The following WSCD1 variants were observed in gnomAD, a reference collection of about 807,000 sequenced individuals.
WSCD1 encodes WSC domain sialate O sulfotransferase 1.
A neutral mutation model predicts 60.4 loss-of-function variants in WSCD1; 41 were observed. That is an observed-to-expected ratio of 0.68 (90% CI 0.53 to 0.88). The LOEUF is 0.88. Among genes scored for constraint, WSCD1 ranks in the 40% least tolerant of loss-of-function variants. WSCD1 has a pLI of 0.00. For missense variants in WSCD1, 784 were observed against 796.2 expected (o/e 0.98, Z 0.18); for synonymous variants, 361 against 332.5 (o/e 1.09, Z -0.93).
intron 8 of WSCD1, among the ~76,000 whole-genome samples, chr17:6,119,807 C>T (rs1597372837): frequency 1.3e-5 from 2 of 152,124 alleles, no homozygotes; most frequent in Admixed American, 6.5e-5. Context: ...GTGTTAATAG[C>T]CCAATAATGG....
At position 6,092,215 on chromosome 17, in the gene WSCD1, G is replaced by T. The variant is rs577521446; in HGVS notation, c.727+1710G>T. 2.0e-5 allele frequency among the ~76,000 whole-genome samples: 3 copies of T among 152,058 alleles called. No individual in the cohort carries two copies. In the East Asian group the frequency reaches 5.8e-4, roughly 29 times the overall value. On this transcript the variant is annotated intron_variant, in intron 4 of 8. Transcript: ENST00000317744. ...GCTAAGGCTTCACAGGGGTTCTGGGGAGGGCTGTCGAGTGAGTTTTCCAAG... is the reference window on the plus strand; with the variant it reads ...GCTAAGGCTTCACAGGGGTTCTGGGTAGGGCTGTCGAGTGAGTTTTCCAAG...
At chr17:6,087,436 C>T (rs1408745374) in intron 2 of WSCD1, among the ~76,000 whole-genome samples, 3 of 152,248 alleles carry the variant, frequency 2.0e-5, no homozygotes, top group Non-Finnish European at 4.4e-5. Context: ...TGCGGACACA[C>T]TCCAGAGATG....
At chr17:6,106,576 A>G (rs758699421) in intron 5 of WSCD1, among the ~76,000 whole-genome samples, 11 of 152,342 alleles carry the variant, frequency 7.2e-5, no homozygotes, top group East Asian at 5.8e-4. Flanking sequence ...TGGTGATAGA[A>G]ATCTGAAAGG....
chr17:6,108,905 ATCC>A (rs1214248213), intron 5 of WSCD1, among the ~76,000 whole-genome samples: 1 of 152,142 alleles, frequency 6.6e-6, no homozygotes, highest in Non-Finnish European at 1.5e-5. Flanking sequence ...ATTTTGAAGA[ATCC>A]TCCTTGGGCT....
chr17:6,070,750 T>A (rs1908486008), intron 1 of WSCD1, 98 bp downstream of exon 1: 1 of 150,508 alleles, frequency 6.6e-6, no homozygotes, highest in South Asian at 2.1e-4. Flanking sequence ...CAGACGCGGT[T>A]GGGAGCGCGG....
intron 3 of WSCD1, among the ~76,000 whole-genome samples, chr17:6,088,920 C>T (rs865925418): frequency 9.9e-5 from 15 of 151,758 alleles, no homozygotes; most frequent in Non-Finnish European, 1.0e-4. Flanking sequence ...GTAGCTGGGA[C>T]TACAGGCGCC....
chr17:6,097,419 T>A (rs11078606), intron 5 of WSCD1, among the ~76,000 whole-genome samples: 43,379 of 152,192 alleles, frequency 0.29, 6,918 homozygotes, highest in Non-Finnish European at 0.36. Context: ...AGAGACTGAA[T>A]ATTCAAGCAA....
chr17:6,099,072 G>C (rs372471253), intron 5 of WSCD1, among the ~76,000 whole-genome samples: 25,899 of 74,750 alleles, frequency 0.35, 2,335 homozygotes, highest in Non-Finnish European at 0.41. Flanking sequence ...GGTTACTTGG[G>C]GGGCTGTGAA....
At chr17:6,074,571 T>C (rs1404019155) in intron 1 of WSCD1, among the ~76,000 whole-genome samples, 1 of 152,206 alleles carries the variant, frequency 6.6e-6, no homozygotes, top group Non-Finnish European at 1.5e-5. Context: ...AGGCACAGTT[T>C]GTAGCAGCAG....
intron 6 of WSCD1, 132 bp downstream of exon 6, chr17:6,109,898 G>A: frequency 8.1e-7 from 1 of 1,227,874 alleles, no homozygotes; most frequent in South Asian, 1.6e-5. Context: ...AAAGGTCTTG[G>A]CATCTTGATG....
At position 6,120,330 on chromosome 17, in the gene WSCD1, G is replaced by A. The variant is rs1467920538; in HGVS notation, c.1397G>A (p.Ser466Asn). The A allele has an allele frequency of 1.9e-6, 3 of 1,613,932 alleles. No homozygotes were observed. ...KSKEWPDFVN[S>N]YASWWSSHVL... ...CTAGAGTGGCCGGACTTTGTCAACA[G>A]CTACGCCTCGTGGTGGTCCTCGCAC... The change falls in exon 9 of 9, where the codon AGC (serine) becomes AAC (asparagine). Residue 466 changes from serine to asparagine, a missense_variant. Ser to Asn is a conservative substitution (Grantham distance 46, BLOSUM62 1). Transcript: ENST00000317744.
intron 5 of WSCD1, among the ~76,000 whole-genome samples, chr17:6,103,330 G>C (rs1209088705): frequency 2.0e-5 from 3 of 152,318 alleles, no homozygotes; most frequent in African/African-American, 7.2e-5. Flanking sequence ...GTGTGTGGGG[G>C]ATGTTTGAGA....
chr17:6,080,538 C>A lies in WSCD1; in HGVS notation c.-121C>A. 1 of 1,046,786 alleles carries A rather than the reference C, an allele frequency of 9.6e-7. No homozygotes were observed. The highest frequency in any genetic ancestry group is 1.5e-5 in the South Asian group (1 of 67,004). 64.8% of individuals were successfully genotyped at this position (1,046,786 alleles called of 1,614,324 possible). ...GGAACAGTGAGTGACCCCAGGCGAG[C>A]ACAGGCAGGTGCCAGGAGCCAGGAT... On this transcript the variant is annotated 5_prime_UTR_variant, in exon 2 of 9. Transcript: ENST00000317744. The surrounding 1 kb of genome is among the most constrained non-coding windows in gnomAD (Gnocchi z 6.6).
Position 6,117,127 on chromosome 17 carries a change from T to C in WSCD1, c.1175-861T>C, listed in dbSNP as rs918432453. ...CATAGTGAGCACATAATAACCTTCATTGATAAATGTGTGGCTCTGGATGAA... is the reference window on the plus strand; with the variant it reads ...CATAGTGAGCACATAATAACCTTCACTGATAAATGTGTGGCTCTGGATGAA... On this transcript the variant is annotated intron_variant, in intron 7 of 8. Coordinates refer to ENST00000317744, the MANE Select transcript of WSCD1 (RefSeq NM_015253.2). 3.3e-5 allele frequency among the ~76,000 whole-genome samples: 5 copies of C among 152,342 alleles called. No homozygotes were observed. The South Asian group carries it at 6.2e-4, about 19-fold the overall frequency.
At chr17:6,085,723 G>A (rs900098531) in intron 2 of WSCD1, among the ~76,000 whole-genome samples, 2 of 152,224 alleles carry the variant, frequency 1.3e-5, no homozygotes, top group Non-Finnish European at 2.9e-5. Context: ...CTGAGCTTAT[G>A]CTTTGGCTGT....
At position 6,101,774 on chromosome 17, in the gene WSCD1, C is replaced by G. The variant is rs1015927388; in HGVS notation, c.849+6551C>G. Among the ~76,000 whole-genome samples, 1 of 152,164 alleles carries G rather than the reference C, an allele frequency of 6.6e-6. No individual in the cohort carries two copies. Among genetic ancestry groups the G allele is most frequent in the Non-Finnish European group, 1.5e-5 (1 of 68,042 alleles). On this transcript the variant is annotated intron_variant, in intron 5 of 8. Coordinates refer to ENST00000317744, the MANE Select transcript of WSCD1 (RefSeq NM_015253.2). This position sits in a 1 kb window ranked among gnomAD's most constrained non-coding sequence, Gnocchi z 4.1. Reference sequence around the variant, plus strand: ...GATCCTATCGGCTCCTTTGTTTCAACGCAAGGCAAGAGTGAGCAGGGGGCA... The same window carrying G: ...GATCCTATCGGCTCCTTTGTTTCAAGGCAAGGCAAGAGTGAGCAGGGGGCA...
chr17:6,124,222 T>C lies in WSCD1; in HGVS notation c.*3561T>C, dbSNP rs1449126674. On this transcript the variant is annotated 3_prime_UTR_variant, in exon 9 of 9. Coordinates refer to ENST00000317744, the MANE Select transcript of WSCD1 (RefSeq NM_015253.2). ...AATGTGAAAAAGGTAGTAGTATTCC[T>C]GGGTCTTTATGATGACCACCTTGGG... is the stretch of plus-strand genomic sequence containing the variant. The C allele has an allele frequency of 6.6e-6, 1 of 152,192 alleles. No individual in the cohort carries two copies. Among genetic ancestry groups the C allele is most frequent in the East Asian group, 1.9e-4 (1 of 5,196 alleles). The allele number at this position is 152,192 out of a possible 1,614,324, so 9.4% of individuals were successfully genotyped here. A position where few individuals can be genotyped will look rare whatever the true frequency, so the allele number is the denominator to read the frequency against.
upstream of WSCD1, chr17:6,069,191 T>C (rs1908360772): frequency 2.5e-6 from 1 of 398,554 alleles, no homozygotes; most frequent in Non-Finnish European, 4.4e-6. Context: ...TGGGAGCATC[T>C]TAGCAGCCAG....
intron 5 of WSCD1, among the ~76,000 whole-genome samples, chr17:6,108,951 C>G (rs1911252160): frequency 6.6e-6 from 1 of 152,234 alleles, no homozygotes; most frequent in Non-Finnish European, 1.5e-5. Flanking sequence ...GTCTGTTCTT[C>G]TCCACCCCTT....
Sources: gnomAD v4.1 joint callset for allele counts (sites outside exome capture counted in the v4.1 genomes callset) on GRCh38, gnomAD v4.1.1 for gene constraint, Gnocchi (gnomAD v3.1) non-coding constraint, MANE v1.5 for transcripts, NCBI Gene and HGNC (gene_info 2026-07-23, HGNC 2026-07-21) for gene names.